The following CTIF variants were observed in gnomAD, a reference collection of about 807,000 sequenced individuals.
CTIF encodes the protein CBP80/20-dependent translation initiation factor.
Under a neutral mutation model 66.0 loss-of-function variants are expected in CTIF, and 21 were observed. That is an observed-to-expected ratio of 0.32 (90% CI 0.23 to 0.46). The LOEUF (loss-of-function observed/expected upper bound fraction) is 0.46. Among genes scored for constraint, CTIF ranks in the 20% least tolerant of loss-of-function variants. The pLI, the probability that CTIF is intolerant of heterozygous loss-of-function variation, is 1.00. For missense variants in CTIF, 739 were observed against 812.7 expected (o/e 0.91, Z 1.10); for synonymous variants, 345 against 326.4 (o/e 1.06, Z -0.62).
At chr18:48,847,109 A>G (rs977150392) in intron 10 of CTIF, among the ~76,000 whole-genome samples, 1 of 152,066 alleles carries the variant, frequency 6.6e-6, no homozygotes, top group Non-Finnish European at 1.5e-5. Context: ...AGAGATGGAG[A>G]CCATCCCGGC....
At chr18:48,601,136 GC>G (rs2090083073) in intron 1 of CTIF, among the ~76,000 whole-genome samples, 1 of 152,154 alleles carries the variant, frequency 6.6e-6, no homozygotes. Context: ...AAGGTGTTAG[GC>G]CCGTTCTTTA....
chr18:48,853,899 T>G (rs370808861), intron 10 of CTIF, among the ~76,000 whole-genome samples: 3 of 152,296 alleles, frequency 2.0e-5, no homozygotes, highest in East Asian at 3.9e-4. Context: ...CTGGGCATGA[T>G]TTTGCCTCTC....
intron 1 of CTIF, among the ~76,000 whole-genome samples, chr18:48,615,353 A>T (rs2090379073): frequency 1.3e-5 from 2 of 152,134 alleles, no homozygotes; most frequent in Admixed American, 1.3e-4. Context: ...GACTGAGATG[A>T]AGCTTGGGGC....
intron 9 of CTIF, among the ~76,000 whole-genome samples, chr18:48,805,999 A>C (rs1242179235): frequency 6.6e-6 from 1 of 152,196 alleles, no homozygotes; most frequent in East Asian, 1.9e-4. Flanking sequence ...CCTTCTAGCA[A>C]AAAGTCAGGT....
chr18:48,806,689 T>C (rs947522005), intron 9 of CTIF, among the ~76,000 whole-genome samples: 8 of 151,986 alleles, frequency 5.3e-5, no homozygotes, highest in Non-Finnish European at 1.2e-4. Flanking sequence ...GGTGTGGGGG[T>C]GTTTTTTCCC....
At chr18:48,849,698 G>A (rs1160763411) in intron 10 of CTIF, among the ~76,000 whole-genome samples, 4 of 147,100 alleles carry the variant, frequency 2.7e-5, no homozygotes, top group Admixed American at 7.1e-5. Context: ...CAATTCTCCT[G>A]CCTCAGCCTC....
intron 1 of CTIF, among the ~76,000 whole-genome samples, chr18:48,546,615 G>C (rs990543291): frequency 6.6e-6 from 1 of 152,124 alleles, no homozygotes; most frequent in Non-Finnish European, 1.5e-5. Flanking sequence ...GCTGAGGCTC[G>C]TCTAGGCCTG....
At chr18:48,623,445 G>T (rs146382540) in intron 2 of CTIF, among the ~76,000 whole-genome samples, 387 of 152,244 alleles carry the variant, frequency 2.5e-3, no homozygotes, top group African/African-American at 8.9e-3. Context: ...TCTCAGGAAG[G>T]CCAGGGTTAG....
At chr18:48,704,834 G>T (rs2092130620) in intron 6 of CTIF, among the ~76,000 whole-genome samples, 1 of 152,180 alleles carries the variant, frequency 6.6e-6, no homozygotes, top group Admixed American at 6.5e-5. Flanking sequence ...AGAATTTGGA[G>T]ATCACACTTC....
intron 1 of CTIF, among the ~76,000 whole-genome samples, chr18:48,541,652 A>T (rs998060258): frequency 1.3e-5 from 2 of 152,232 alleles, no homozygotes; most frequent in Non-Finnish European, 2.9e-5. Flanking sequence ...TGAGTGTTTG[A>T]CACAGGATTC....
chr18:48,716,847 A>G (rs1274957504), intron 7 of CTIF, among the ~76,000 whole-genome samples: 2 of 152,338 alleles, frequency 1.3e-5, no homozygotes, highest in East Asian at 3.9e-4. Flanking sequence ...TGTTTCATTA[A>G]GTGAGGTCTC....
At chr18:48,792,449 G>A (rs554331934) in intron 9 of CTIF, among the ~76,000 whole-genome samples, 19 of 152,290 alleles carry the variant, frequency 1.2e-4, no homozygotes, top group South Asian at 6.2e-4. Flanking sequence ...TTTTAATAGC[G>A]TCACTCAGGC....
intron 10 of CTIF, among the ~76,000 whole-genome samples, chr18:48,856,315 T>C (rs778238693): frequency 6.6e-6 from 1 of 152,148 alleles, no homozygotes; most frequent in Non-Finnish European, 1.5e-5. Context: ...AGTGAGAGTG[T>C]AAAATGATGG....
intron 7 of CTIF, among the ~76,000 whole-genome samples, chr18:48,730,400 GGCTT>G (rs2092435678): frequency 7.3e-6 from 1 of 137,190 alleles, no homozygotes; most frequent in Non-Finnish European, 1.6e-5. Context: ...CTGTGTGAGG[GGCTT>G]CCACGGTGTG....
chr18:48,740,331 C>A (rs1020035507), intron 7 of CTIF, among the ~76,000 whole-genome samples: 1 of 152,222 alleles, frequency 6.6e-6, no homozygotes, highest in African/African-American at 2.4e-5. Context: ...CCTGCCCTTC[C>A]CCCTACCATC....
chr18:48,755,410 G>A (rs1327188691), intron 7 of CTIF, among the ~76,000 whole-genome samples: 3 of 152,166 alleles, frequency 2.0e-5, no homozygotes, highest in Admixed American at 6.5e-5. Context: ...AGCCCTCCCC[G>A]CTGACTCAGG....
At chr18:48,640,282 G>C (rs996348382) in intron 3 of CTIF, among the ~76,000 whole-genome samples, 1 of 152,208 alleles carries the variant, frequency 6.6e-6, no homozygotes, top group African/African-American at 2.4e-5. Flanking sequence ...AAGCTGTTCC[G>C]CGCACACCTG....
At chr18:48,631,627 T>A (rs1204058660) in intron 2 of CTIF, among the ~76,000 whole-genome samples, 1 of 152,270 alleles carries the variant, frequency 6.6e-6, no homozygotes, top group Non-Finnish European at 1.5e-5. Flanking sequence ...TGTACTCTCA[T>A]GTTTATTAAG....
At chr18:48,591,199 C>T (rs769094691) in intron 1 of CTIF, among the ~76,000 whole-genome samples, 1 of 152,198 alleles carries the variant, frequency 6.6e-6, no homozygotes, top group Non-Finnish European at 1.5e-5. Flanking sequence ...ACTCAGGAGG[C>T]AGTCCGATGG....
Sources: allele counts gnomAD v4.1 joint callset (sites outside exome capture counted in the v4.1 genomes callset), GRCh38; gene constraint gnomAD v4.1.1; transcripts MANE v1.5; gene names NCBI Gene and HGNC (gene_info 2026-07-23, HGNC 2026-07-21).